Variants in DMD observed in about 807,000 individuals in gnomAD.
DMD encodes mutant dystrophin.
In DMD, 63 loss-of-function variants were observed where a neutral mutation model predicts 330.1. The ratio of observed to expected loss-of-function variants is 0.19; its 90% CI spans 0.16 to 0.24. The LOEUF (loss-of-function observed/expected upper bound fraction) is 0.24, where lower values mean the gene tolerates loss of function less well. DMD is among the 10% of genes least tolerant of loss of function. DMD has a pLI of 1.00. For synonymous variants in DMD, 1,223 were observed against 959.8 expected (o/e 1.27, Z -5.07); for missense variants, 3,344 against 2,684.1 (o/e 1.25, Z -5.43).
At chrX:31,781,229 C>T (rs1402276967) in intron 50 of DMD, among the ~76,000 whole-genome samples, 5 of 111,710 alleles carry the variant, frequency 4.5e-5, no homozygotes, top group Admixed American at 2.9e-4. Flanking sequence ...ACCAAGGTAA[C>T]GAAACTTGTT....
At chrX:32,025,278 A>T (rs1481174630) in intron 44 of DMD, among the ~76,000 whole-genome samples, 1 of 112,645 alleles carries the variant, frequency 8.9e-6, no homozygotes, top group Non-Finnish European at 1.9e-5. Flanking sequence ...ACTATTAAAA[A>T]TAGGTTTAGT....
chrX:32,868,478 G>A (rs2149126401), intron 2 of DMD, among the ~76,000 whole-genome samples: 1 of 112,047 alleles, frequency 8.9e-6, no homozygotes, highest in African/African-American at 3.2e-5. Context: ...CATCACGGTG[G>A]CTACCGGCTT....
intron 57 of DMD, among the ~76,000 whole-genome samples, chrX:31,483,066 A>C (rs1237724083): frequency 4.0e-5 from 2 of 50,287 alleles, no homozygotes; most frequent in Non-Finnish European, 6.9e-5. Context: ...TTTTTTTTTG[A>C]GATGGAGTCT....
chrX:31,741,860 T>A (rs957212944), intron 51 of DMD, among the ~76,000 whole-genome samples: 7 of 111,793 alleles, frequency 6.3e-5, no homozygotes, highest in Non-Finnish European at 1.3e-4. Flanking sequence ...CCTTTTCCAA[T>A]AGAAGGCTGT....
intron 44 of DMD, among the ~76,000 whole-genome samples, chrX:32,039,152 C>T (rs1194554946): frequency 2.7e-5 from 3 of 110,439 alleles, no homozygotes; most frequent in African/African-American, 9.9e-5. Context: ...CCAGGAAAAA[C>T]GAACAAGAGA....
intron 7 of DMD, among the ~76,000 whole-genome samples, chrX:32,739,251 G>T (rs995337526): frequency 8.9e-6 from 1 of 111,976 alleles, no homozygotes; most frequent in African/African-American, 3.2e-5. Flanking sequence ...AACCTATGCT[G>T]TCCTCCCTAC....
chrX:32,617,658 A>G (rs2057687655), intron 11 of DMD, among the ~76,000 whole-genome samples: 1 of 111,790 alleles, frequency 8.9e-6, no homozygotes, highest in African/African-American at 3.2e-5. Context: ...TTTGGGCAAT[A>G]ACTTTTGAAT....
chrX:32,754,145 T>C (rs2071184122), intron 7 of DMD, among the ~76,000 whole-genome samples: 1 of 109,249 alleles, frequency 9.2e-6, no homozygotes, highest in Non-Finnish European at 1.9e-5. Context: ...GCTGGTCACT[T>C]AATATCTACC....
chrX:32,100,725 T>G (rs777570297), intron 44 of DMD, among the ~76,000 whole-genome samples: 1 of 111,450 alleles, frequency 9.0e-6, no homozygotes, highest in Non-Finnish European at 1.9e-5. Context: ...CTTAGCTTTC[T>G]GTTTTGTTTG....
chrX:32,039,332 C>T (rs1307139217), intron 44 of DMD, among the ~76,000 whole-genome samples: 5 of 111,191 alleles, frequency 4.5e-5, no homozygotes, highest in African/African-American at 1.6e-4. Context: ...ACAAAGAGAA[C>T]AAAAAATCAA....
chrX:32,984,689 T>C (rs1313869808), intron 2 of DMD, among the ~76,000 whole-genome samples: 1 of 112,118 alleles, frequency 8.9e-6, no homozygotes, highest in East Asian at 2.8e-4. Flanking sequence ...TCCATAAATA[T>C]TAATTATTAT....
intron 9 of DMD, among the ~76,000 whole-genome samples, chrX:32,686,559 C>CAGA (rs1383521933): frequency 3.5e-5 from 1 of 28,585 alleles, no homozygotes; most frequent in African/African-American, 1.3e-4. Context: ...AACTCCATCT[C>CAGA]AAAAAAAAAA....
At chrX:32,614,983 A>G (rs1208984249) in intron 11 of DMD, among the ~76,000 whole-genome samples, 2 of 110,963 alleles carry the variant, frequency 1.8e-5, no homozygotes, top group Non-Finnish European at 3.8e-5. Flanking sequence ...CTTGAAGCCT[A>G]GATTCCATGC....
At chrX:31,608,913 A>C (rs2148279909) in intron 55 of DMD, among the ~76,000 whole-genome samples, 1 of 111,817 alleles carries the variant, frequency 8.9e-6, no homozygotes, top group South Asian at 3.7e-4. Context: ...TGGAGAAGAA[A>C]TGGGATTAAT....
At chrX:33,330,488 A>G (rs1488636544) in intron 1 of DMD, among the ~76,000 whole-genome samples, 1 of 111,769 alleles carries the variant, frequency 8.9e-6, no homozygotes, top group Non-Finnish European at 1.9e-5. Flanking sequence ...CTAATTAAAG[A>G]GTGTTAGACA....
chrX:32,029,127 T>C (rs1017423763), intron 44 of DMD, among the ~76,000 whole-genome samples: 1 of 111,273 alleles, frequency 9.0e-6, no homozygotes, highest in Non-Finnish European at 1.9e-5. Flanking sequence ...GGGAAGATGA[T>C]AGAGATGAAT....
intron 9 of DMD, among the ~76,000 whole-genome samples, chrX:32,691,319 CAAA>C (rs763927104): frequency 4.7e-5 from 4 of 84,668 alleles, no homozygotes; most frequent in Admixed American, 1.4e-4. Context: ...AACTCATTGG[CAAA>C]AAAAAAAAAA....
At chrX:33,018,947 C>A (rs1229759017) in intron 2 of DMD, among the ~76,000 whole-genome samples, 1 of 111,560 alleles carries the variant, frequency 9.0e-6, no homozygotes, top group Non-Finnish European at 1.9e-5. Flanking sequence ...CTGTTTACGT[C>A]TGTAATAGAA....
chrX:31,643,245 G>A (rs2079880232), intron 54 of DMD, among the ~76,000 whole-genome samples: 1 of 111,508 alleles, frequency 9.0e-6, no homozygotes, highest in South Asian at 3.7e-4. Flanking sequence ...ACATTTGTCC[G>A]ATTATATTAG....
Sources: gnomAD v4.1 joint callset for allele counts (sites outside exome capture counted in the v4.1 genomes callset) on GRCh38, gnomAD v4.1.1 for gene constraint, MANE v1.5 for transcripts, NCBI Gene and HGNC (gene_info 2026-07-23, HGNC 2026-07-21) for gene names.